STK32A: variants seen among roughly 807,000 people sequenced by gnomAD.
The protein encoded by STK32A is serine/threonine kinase 32A, also known as serine/threonine-protein kinase 32A.
A neutral mutation model predicts 53.2 loss-of-function variants in STK32A; 41 were observed. The ratio of observed to expected loss-of-function variants is 0.77; its 90% CI spans 0.60 to 1.00. The LOEUF is 1.00. Among genes scored for constraint, STK32A ranks in the 50% least tolerant of loss-of-function variants. STK32A has a pLI of 0.00. For missense variants in STK32A, 458 were observed against 485.8 expected (o/e 0.94, Z 0.54); for synonymous variants, 166 against 162.8 (o/e 1.02, Z -0.15).
chr5:147,280,868 C>G (rs533496877), intron 4 of STK32A, among the ~76,000 whole-genome samples: 1 of 152,112 alleles, frequency 6.6e-6, no homozygotes, highest in African/African-American at 2.4e-5. Context: ...AGCTAAGAAC[C>G]CTTACAGAGT....
At chr5:147,397,708 C>G in the STK32A span, 1 of 1,614,122 alleles carries the variant, frequency 6.2e-7, no homozygotes, top group Non-Finnish European at 8.5e-7. Flanking sequence ...AGTCGGAGAA[C>G]GGGCTGCAGG....
chr5:147,360,460 AAAAAAAAG>A, intron 7 of STK32A, among the ~76,000 whole-genome samples: 2 of 144,312 alleles, frequency 1.4e-5, no homozygotes, highest in Non-Finnish European at 1.5e-5. Flanking sequence ...CAAAAAAAAA[AAAAAAAAG>A]AAAAAAAAAA....
At chr5:147,274,518 G>T (rs1181534718) in intron 2 of STK32A, among the ~76,000 whole-genome samples, 1 of 152,160 alleles carries the variant, frequency 6.6e-6, no homozygotes, top group Admixed American at 6.5e-5. Context: ...AACAATGCAA[G>T]GACACCACAC....
chr5:147,344,022 A>G (rs1561735142), intron 6 of STK32A, among the ~76,000 whole-genome samples: 2 of 152,210 alleles, frequency 1.3e-5, no homozygotes, highest in African/African-American at 2.4e-5. Context: ...ATTGGGATTT[A>G]TTAGAATATC....
At chr5:147,366,331 A>T (rs1756743990) in intron 8 of STK32A, among the ~76,000 whole-genome samples, 1 of 152,226 alleles carries the variant, frequency 6.6e-6, no homozygotes, top group South Asian at 2.1e-4. Context: ...TCTGCGTAAG[A>T]TTTGAAATCA....
chr5:147,239,167 C>T (rs1050656790), intron 1 of STK32A, among the ~76,000 whole-genome samples: 3 of 152,048 alleles, frequency 2.0e-5, no homozygotes, highest in African/African-American at 7.2e-5. Flanking sequence ...ATCTTTATGA[C>T]TAAAAAAGAA....
chr5:147,251,622 C>G (rs1754002990), intron 2 of STK32A, among the ~76,000 whole-genome samples: 1 of 152,218 alleles, frequency 6.6e-6, no homozygotes, highest in African/African-American at 2.4e-5. Context: ...TGCTCTTCAG[C>G]AAGAATACAT....
chr5:147,384,284 G>T lies in STK32A; in HGVS notation c.*301G>T. 7.4e-7 allele frequency: 1 copy of T among 1,355,676 alleles called. No individual in the cohort carries two copies. Among genetic ancestry groups the T allele is most frequent in the Non-Finnish European group, 9.8e-7 (1 of 1,023,308 alleles). 84.0% of individuals were successfully genotyped at this position (1,355,676 alleles called of 1,614,324 possible). A position where few individuals can be genotyped will look rare whatever the true frequency, so the allele number is the denominator to read the frequency against. On this transcript the variant is annotated 3_prime_UTR_variant, in exon 13 of 13. Transcript: ENST00000397936. ...ACGAGCCATACCCTGCCTTTTTAGT[G>T]CTATAGTTGTTATTCTAAACCGCCT...
At chr5:147,279,110 A>T in intron 3 of STK32A, 137 bp from the exon 4 acceptor site, 1 of 626,034 alleles carries the variant, frequency 1.6e-6, no homozygotes, top group Non-Finnish European at 2.4e-6. Flanking sequence ...ATCAGAGCTA[A>T]GTGGGAGCTT....
At chr5:147,247,843 C>T (rs749255300) in intron 2 of STK32A, among the ~76,000 whole-genome samples, 51 of 152,068 alleles carry the variant, frequency 3.4e-4, no homozygotes, top group South Asian at 6.3e-4. Context: ...AAAAATTGGC[C>T]GGGCATGGTG....
At chr5:147,334,330 T>C (rs1232751144) in intron 5 of STK32A, among the ~76,000 whole-genome samples, 2 of 152,216 alleles carry the variant, frequency 1.3e-5, no homozygotes, top group African/African-American at 4.8e-5. Flanking sequence ...ATTGGAGTTT[T>C]ACTACGTGTA....
intron 12 of STK32A, 108 bp from the exon 13 acceptor site, chr5:147,383,782 G>A (rs1757545396): frequency 9.2e-7 from 1 of 1,085,850 alleles, no homozygotes; most frequent in Non-Finnish European, 1.3e-6. Context: ...GATTTCCTTG[G>A]CTCATGCTTA....
chr5:147,323,914 G>A lies in STK32A; in HGVS notation c.277G>A (p.Glu93Lys), dbSNP rs750127339. The A allele has an allele frequency of 1.9e-6, 3 of 1,613,064 alleles. No homozygotes were observed. Among genetic ancestry groups the A allele is most frequent in the South Asian group, 2.2e-5 (2 of 90,814 alleles). ...TAATTCCAGGTATTCCTTCCAAGATGAGGAAGACATGTTCATGGTGGTGGA... is the reference window on the plus strand; with the variant it reads ...TAATTCCAGGTATTCCTTCCAAGATAAGGAAGACATGTTCATGGTGGTGGA... ...LVNLWYSFQD[E>K]EDMFMVVDLL... The change falls in exon 5 of 13, where the codon GAG (glutamate) becomes AAG (lysine). Residue 93 changes from glutamate to lysine, a missense_variant. Coordinates refer to ENST00000397936, the MANE Select transcript of STK32A (RefSeq NM_001112724.2).
chr5:147,375,234 C>T lies in STK32A; in HGVS notation c.1032+16C>T. On this transcript the variant is annotated intron_variant, in intron 11 of 12. Transcript: ENST00000397936. ...TTCTTCTCAGGTAAGCAGGTCCCCA[C>T]CAAACTCAGGGTCATGGGTATCCCC... The T allele has an allele frequency of 6.2e-7, 1 of 1,608,818 alleles. No homozygotes were observed. The highest frequency in any genetic ancestry group is 1.3e-5 in the African/African-American group (1 of 74,792).
At chr5:147,313,256 A>G (rs1311979947) in intron 4 of STK32A, among the ~76,000 whole-genome samples, 1 of 151,940 alleles carries the variant, frequency 6.6e-6, no homozygotes, top group Non-Finnish European at 1.5e-5. Flanking sequence ...CAAAATAACA[A>G]CAACAACAAA....
At chr5:147,326,036 A>C (rs564035570) in intron 5 of STK32A, among the ~76,000 whole-genome samples, 2 of 152,298 alleles carry the variant, frequency 1.3e-5, no homozygotes, top group South Asian at 4.1e-4. Flanking sequence ...GGTCATCAAA[A>C]GACCAATTCT....
At position 147,278,566 on chromosome 5, in the gene STK32A, C is replaced by T. The variant is rs548412903; in HGVS notation, c.108+387C>T. On this transcript the variant is annotated intron_variant, in intron 3 of 12. Coordinates refer to ENST00000397936, the MANE Select transcript of STK32A (RefSeq NM_001112724.2). ...ATTTTCATGTGGGAAAGAAGTCACC[C>T]GATTTCTATTTGTTTCCTCATTTGT... Among the ~76,000 whole-genome samples, 13 of 152,200 alleles carry T rather than the reference C, an allele frequency of 8.5e-5. No homozygotes were observed. In the East Asian group the frequency reaches 9.6e-4, roughly 11 times the overall value.
In STK32A at chr5:147,384,593, T is replaced by A; in HGVS notation, c.*610T>A. On this transcript the variant is annotated 3_prime_UTR_variant, in exon 13 of 13. Coordinates refer to ENST00000397936, the MANE Select transcript of STK32A (RefSeq NM_001112724.2). Reference sequence around the variant, plus strand: ...CCGCTTATCTCAGCTGGCAGGAGCCTGCTGTGCACACCACTTCCCAGCTCC... The same window carrying A: ...CCGCTTATCTCAGCTGGCAGGAGCCAGCTGTGCACACCACTTCCCAGCTCC... The A allele has an allele frequency of 5.3e-6, 3 of 562,748 alleles. No homozygotes were observed. Among genetic ancestry groups the A allele is most frequent in the Non-Finnish European group, 9.1e-6 (3 of 328,680 alleles). 34.9% of individuals were successfully genotyped at this position (562,748 alleles called of 1,614,324 possible).
At chr5:147,349,315 G>T (rs1343946414) in intron 6 of STK32A, among the ~76,000 whole-genome samples, 1 of 152,192 alleles carries the variant, frequency 6.6e-6, no homozygotes, top group African/African-American at 2.4e-5. Context: ...CAGCAGGCTG[G>T]ATACTATCAG....
Sources: gnomAD v4.1 joint callset for allele counts (sites outside exome capture counted in the v4.1 genomes callset) on GRCh38, gnomAD v4.1.1 for gene constraint, MANE v1.5 for transcripts, NCBI Gene and HGNC (gene_info 2026-07-23, HGNC 2026-07-21) for gene names.